GAREM1: variants seen among roughly 807,000 people sequenced by gnomAD.
GAREM1 encodes the protein GRB2 associated regulator of MAPK1 subtype 1, also known as GRB2-associated and regulator of MAPK protein 1.
In GAREM1, 26 loss-of-function variants were observed where a neutral mutation model predicts 71.3. That is an observed-to-expected ratio of 0.36 (90% CI 0.27 to 0.51). GAREM1 has a LOEUF of 0.51. GAREM1 is among the 20% of genes least tolerant of loss of function. GAREM1 has a pLI of 0.95. For synonymous variants in GAREM1, 440 were observed against 433.2 expected, an observed-to-expected ratio of 1.02 and a Z score of -0.20; for missense variants, 1,026 against 1,103.1, an observed-to-expected ratio of 0.93 and a Z score of 0.99.
chr18:32,467,602 A>C (rs1037813994), intron 1 of GAREM1, among the ~76,000 whole-genome samples: 10 of 152,216 alleles, frequency 6.6e-5, no homozygotes, highest in African/African-American at 2.4e-4. Context: ...CTGATAATCA[A>C]TAGTTGTGAA....
At chr18:32,279,755 T>A (rs1345447506) in intron 4 of GAREM1, among the ~76,000 whole-genome samples, 1 of 152,118 alleles carries the variant, frequency 6.6e-6, no homozygotes, top group African/African-American at 2.4e-5. Context: ...ATGAAACTGG[T>A]CCCTGGTGCC....
chr18:32,467,665 C>T (rs1434258584), intron 1 of GAREM1, among the ~76,000 whole-genome samples: 1 of 152,078 alleles, frequency 6.6e-6, no homozygotes, highest in Admixed American at 6.5e-5. Flanking sequence ...CAATCATTTC[C>T]TCTTGGCATA....
intron 4 of GAREM1, among the ~76,000 whole-genome samples, chr18:32,270,666 G>GAAAGTAATA (rs1260413365): frequency 6.6e-6 from 1 of 152,090 alleles, no homozygotes; most frequent in African/African-American, 2.4e-5. Context: ...TATGAAATAC[G>GAAAGTAATA]GCAAGTTAAA....
Position 32,352,867 on chromosome 18 carries a change from T to G in GAREM1, c.262+40028A>C, listed in dbSNP as rs561763336. 2.2e-4 allele frequency among the ~76,000 whole-genome samples: 34 copies of G among 152,266 alleles called. 1 individual carries two copies. The South Asian group carries it at 3.9e-3, about 18-fold the overall frequency. ...AGAGGAAACTCCCCAGCTGTGGCCA[T>G]GGGACAGAGGAGTTCTCAATGCCTC... On this transcript the variant is annotated intron_variant, in intron 2 of 5. Transcript: ENST00000269209.
intron 2 of GAREM1, among the ~76,000 whole-genome samples, chr18:32,374,677 T>G (rs1035926737): frequency 2.0e-5 from 3 of 152,196 alleles, no homozygotes; most frequent in Non-Finnish European, 4.4e-5. Flanking sequence ...TTCTGTATAA[T>G]ATGTGCCTTG....
chr18:32,288,229 C>G, intron 3 of GAREM1, 26 bp from the exon 4 acceptor site: 1 of 1,531,870 alleles, frequency 6.5e-7, no homozygotes, highest in Non-Finnish European at 8.8e-7. Context: ...TCACATTTTA[C>G]GTTCATTTCC....
At chr18:32,453,416 T>C (rs188212736) in intron 1 of GAREM1, among the ~76,000 whole-genome samples, 113 of 152,148 alleles carry the variant, frequency 7.4e-4, no homozygotes, top group Non-Finnish European at 1.3e-3. Context: ...CTGTCACAGC[T>C]CTAGAGGCTG....
At chr18:32,463,549 A>T (rs2048970869) in intron 1 of GAREM1, among the ~76,000 whole-genome samples, 1 of 151,152 alleles carries the variant, frequency 6.6e-6, no homozygotes, top group Non-Finnish European at 1.5e-5. Flanking sequence ...ATGAAAATTA[A>T]AGAGAGTTTT....
intron 2 of GAREM1, among the ~76,000 whole-genome samples, chr18:32,321,385 C>G (rs2047426568): frequency 6.6e-6 from 1 of 152,142 alleles, no homozygotes; most frequent in Non-Finnish European, 1.5e-5. Context: ...ATTCTGAGTT[C>G]TGTGCATGGC....
chr18:32,390,608 C>T lies in GAREM1; in HGVS notation c.262+2287G>A, dbSNP rs917807489. 3.9e-5 allele frequency among the ~76,000 whole-genome samples: 6 copies of T among 152,166 alleles called. No homozygotes were observed. In the South Asian group the frequency reaches 8.3e-4, roughly 21 times the overall value. On this transcript the variant is annotated intron_variant, in intron 2 of 5. Transcript: ENST00000269209. Reference sequence around the variant, plus strand: ...AAAATGTATCATTTGCAACATAATCCGTCACCTTCCTTATGGATCAAAAGC... The same window carrying T: ...AAAATGTATCATTTGCAACATAATCTGTCACCTTCCTTATGGATCAAAAGC...
chr18:32,463,568 C>CT (rs138799660), intron 1 of GAREM1, among the ~76,000 whole-genome samples: 19,814 of 131,622 alleles, frequency 0.15, 1,711 homozygotes, highest in Admixed American at 0.21. Flanking sequence ...TTTTAAATCA[C>CT]TTTTTTTTTT....
chr18:32,427,814 A>G (rs1275621490), intron 1 of GAREM1, among the ~76,000 whole-genome samples: 1 of 152,224 alleles, frequency 6.6e-6, no homozygotes, highest in Non-Finnish European at 1.5e-5. Flanking sequence ...AAAAAATGCC[A>G]CATCATTTGT....
intron 4 of GAREM1, among the ~76,000 whole-genome samples, chr18:32,279,015 G>A (rs945635297): frequency 5.3e-5 from 8 of 152,134 alleles, no homozygotes; most frequent in Admixed American, 1.3e-4. Context: ...AGGGGCAAGT[G>A]GTTCTGAAAA....
At chr18:32,386,147 T>C (rs1024257244) in intron 2 of GAREM1, among the ~76,000 whole-genome samples, 6 of 152,210 alleles carry the variant, frequency 3.9e-5, no homozygotes, top group African/African-American at 1.4e-4. Flanking sequence ...CTTTATCCCA[T>C]ATAACAGGGA....
chr18:32,417,776 A>T (rs1238055918), intron 1 of GAREM1, among the ~76,000 whole-genome samples: 1 of 152,188 alleles, frequency 6.6e-6, no homozygotes, highest in African/African-American at 2.4e-5. Context: ...CACACACAAA[A>T]AAAGTAAAAA....
chr18:32,303,686 G>GGCCC (rs1393257631), intron 3 of GAREM1, among the ~76,000 whole-genome samples: 1 of 152,096 alleles, frequency 6.6e-6, no homozygotes, highest in Non-Finnish European at 1.5e-5. Flanking sequence ...GGGAGGCTGA[G>GGCCC]GCGGGAAGAC....
At position 32,358,273 on chromosome 18, in the gene GAREM1, C is replaced by T. The variant is rs556291271; in HGVS notation, c.262+34622G>A. Among the ~76,000 whole-genome samples, 65 of 152,094 alleles carry T rather than the reference C, an allele frequency of 4.3e-4. 1 individual carries two copies. In the South Asian group the frequency reaches 0.013, roughly 30 times the overall value. Reference sequence around the variant, plus strand: ...GACTCCCAGTCTGCCATGCAGTGACCAATGAGATATGCCCCCTGCAGGGGA... The same window carrying T: ...GACTCCCAGTCTGCCATGCAGTGACTAATGAGATATGCCCCCTGCAGGGGA... On this transcript the variant is annotated intron_variant, in intron 2 of 5. Transcript: ENST00000269209.
Position 32,338,445 on chromosome 18 carries a change from G to A in GAREM1, c.263-28122C>T, listed in dbSNP as rs190006531. ...ATGGAACCTAACACTGGCTCAACCCGTTTCCTCATCTGTAAAATGGAAAAG... is the reference window on the plus strand; with the variant it reads ...ATGGAACCTAACACTGGCTCAACCCATTTCCTCATCTGTAAAATGGAAAAG... On this transcript the variant is annotated intron_variant, in intron 2 of 5. Transcript: ENST00000269209. Among the ~76,000 whole-genome samples the A allele has an allele frequency of 5.3e-5, 8 of 152,108 alleles. No homozygotes were observed. The East Asian group carries it at 1.4e-3, about 26-fold the overall frequency.
chr18:32,293,754 T>C (rs745523054), intron 3 of GAREM1, among the ~76,000 whole-genome samples: 15 of 152,156 alleles, frequency 9.9e-5, no homozygotes, highest in Non-Finnish European at 1.9e-4. Flanking sequence ...AGAATATACC[T>C]TGGACAGTAC....
Sources: gnomAD v4.1 joint callset for allele counts (sites outside exome capture counted in the v4.1 genomes callset) on GRCh38, gnomAD v4.1.1 for gene constraint, MANE v1.5 for transcripts, NCBI Gene and HGNC (gene_info 2026-07-23, HGNC 2026-07-21) for gene names.